SCFD2: variants seen among roughly 807,000 people sequenced by gnomAD.
SCFD2 encodes sec1 family domain-containing protein 2.
Under a neutral mutation model 58.9 loss-of-function variants are expected in SCFD2, and 54 were observed. The observed-to-expected ratio is 0.92, with a 90% CI of 0.74 to 1.15. The LOEUF (loss-of-function observed/expected upper bound fraction) is 1.15, where lower values mean the gene tolerates loss of function less well. Among genes scored for constraint, SCFD2 ranks in the 50% most tolerant of loss-of-function variants. The pLI is 0.00. For missense variants in SCFD2, 805 were observed against 836.6 expected (o/e 0.96, Z 0.47); for synonymous variants, 321 against 335.9 (o/e 0.96, Z 0.49).
At chr4:53,341,160 A>C (rs1577985721) in intron 2 of SCFD2, among the ~76,000 whole-genome samples, 3 of 152,236 alleles carry the variant, frequency 2.0e-5, no homozygotes, top group Admixed American at 1.3e-4. Flanking sequence ...AACTTCTCCA[A>C]GCTAAAGGAG....
At chr4:52,951,705 T>C (rs1001835890) in intron 5 of SCFD2, among the ~76,000 whole-genome samples, 6 of 152,192 alleles carry the variant, frequency 3.9e-5, no homozygotes, top group Non-Finnish European at 8.8e-5. Flanking sequence ...AGCTCAGCTC[T>C]TCTTTCCCCA....
chr4:52,965,176 C>T (rs1720936013), intron 5 of SCFD2, among the ~76,000 whole-genome samples: 1 of 152,174 alleles, frequency 6.6e-6, no homozygotes, highest in Non-Finnish European at 1.5e-5. Context: ...TTCTGTTGCA[C>T]ATATTTCCTT....
chr4:53,258,909 T>A (rs894974131), intron 4 of SCFD2, among the ~76,000 whole-genome samples: 75 of 152,286 alleles, frequency 4.9e-4, no homozygotes, highest in African/African-American at 1.7e-3. Context: ...TTTTTTATTA[T>A]GGCCATTCTT....
At chr4:52,995,116 T>C (rs968219276) in intron 5 of SCFD2, among the ~76,000 whole-genome samples, 1 of 152,194 alleles carries the variant, frequency 6.6e-6, no homozygotes, top group African/African-American at 2.4e-5. Flanking sequence ...CATTTTAATA[T>C]ATAAGGAAAT....
At chr4:53,200,515 T>C (rs1728197580) in intron 4 of SCFD2, among the ~76,000 whole-genome samples, 1 of 152,136 alleles carries the variant, frequency 6.6e-6, no homozygotes, top group Non-Finnish European at 1.5e-5. Context: ...AAGCACTGTC[T>C]CTACAACTAA....
intron 4 of SCFD2, among the ~76,000 whole-genome samples, chr4:53,220,771 G>A (rs1729025382): frequency 6.6e-6 from 1 of 152,166 alleles, no homozygotes; most frequent in South Asian, 2.1e-4. Context: ...AGTTATCACT[G>A]ATTCTGCTGG....
intron 4 of SCFD2, among the ~76,000 whole-genome samples, chr4:53,263,021 T>C (rs1730872962): frequency 6.6e-6 from 1 of 152,138 alleles, no homozygotes; most frequent in African/African-American, 2.4e-5. Flanking sequence ...TGAAGTTCTT[T>C]CTTCTGCTTG....
chr4:53,241,762 C>A (rs1560405712), intron 4 of SCFD2, among the ~76,000 whole-genome samples: 1 of 152,224 alleles, frequency 6.6e-6, no homozygotes, highest in Admixed American at 6.5e-5. Flanking sequence ...TCCCCCTCCT[C>A]CTGCTGCACC....
chr4:53,153,659 C>CTCCACAG (rs1412655403), intron 4 of SCFD2, among the ~76,000 whole-genome samples: 1 of 152,202 alleles, frequency 6.6e-6, no homozygotes, highest in Non-Finnish European at 1.5e-5. Context: ...TAAGTTGTTG[C>CTCCACAG]TCCACAGTCT....
chr4:53,165,606 C>T (rs1299892040), intron 4 of SCFD2, among the ~76,000 whole-genome samples: 1 of 152,150 alleles, frequency 6.6e-6, no homozygotes, highest in African/African-American at 2.4e-5. Context: ...CTCCATTCAC[C>T]CAATTACCCT....
chr4:53,078,087 A>G (rs1315637107), intron 5 of SCFD2, among the ~76,000 whole-genome samples: 1 of 152,170 alleles, frequency 6.6e-6, no homozygotes, highest in African/African-American at 2.4e-5. Context: ...GGAACTAGTT[A>G]TTGGTTAAAT....
intron 4 of SCFD2, among the ~76,000 whole-genome samples, chr4:53,224,585 G>A (rs1729147081): frequency 6.6e-6 from 1 of 152,062 alleles, no homozygotes; most frequent in Non-Finnish European, 1.5e-5. Context: ...AGCCATCTTG[G>A]ATCATCTCTC....
intron 4 of SCFD2, among the ~76,000 whole-genome samples, chr4:53,156,377 G>A (rs540277481): frequency 4.5e-4 from 64 of 141,168 alleles, no homozygotes; most frequent in Non-Finnish European, 7.7e-4. Context: ...TCCAGCCTGG[G>A]TGACAGAGTG....
At chr4:53,196,499 C>T (rs1259374139) in intron 4 of SCFD2, among the ~76,000 whole-genome samples, 1 of 152,078 alleles carries the variant, frequency 6.6e-6, no homozygotes, top group African/African-American at 2.4e-5. Context: ...TGCCTGTTTC[C>T]GTTTTGCCTG....
At chr4:53,325,228 A>G (rs1733152888) in intron 2 of SCFD2, among the ~76,000 whole-genome samples, 2 of 151,664 alleles carry the variant, frequency 1.3e-5, no homozygotes, top group East Asian at 3.9e-4. Flanking sequence ...TGACAGTAAA[A>G]AAAAAAAAAA....
intron 8 of SCFD2, among the ~76,000 whole-genome samples, chr4:52,876,867 A>G (rs1718486999): frequency 6.6e-6 from 1 of 151,626 alleles, no homozygotes; most frequent in Non-Finnish European, 1.5e-5. Flanking sequence ...GAGGTGGTAG[A>G]GGCCAGCAGT....
chr4:53,332,052 A>G (rs552595546), intron 2 of SCFD2, among the ~76,000 whole-genome samples: 1 of 152,220 alleles, frequency 6.6e-6, no homozygotes, highest in African/African-American at 2.4e-5. Context: ...ACCAGGAAAA[A>G]GTTGAATCTC....
At chr4:53,041,755 C>A (rs768709604) in intron 5 of SCFD2, among the ~76,000 whole-genome samples, 1 of 152,140 alleles carries the variant, frequency 6.6e-6, no homozygotes. Context: ...AACCATGCTT[C>A]ACTATTTCAG....
intron 3 of SCFD2, among the ~76,000 whole-genome samples, chr4:53,311,854 TC>T (rs1264291815): frequency 4.6e-5 from 7 of 152,104 alleles, no homozygotes. Context: ...CAGGAGGGTC[TC>T]AGTCTCTTGA....
Sources: gnomAD v4.1 joint callset for allele counts (sites outside exome capture counted in the v4.1 genomes callset) on GRCh38, gnomAD v4.1.1 for gene constraint, MANE v1.5 for transcripts, NCBI Gene and HGNC (gene_info 2026-07-23, HGNC 2026-07-21) for gene names.